PSD3: variants seen among roughly 807,000 people sequenced by gnomAD.
The protein encoded by PSD3 is PH and SEC7 domain-containing protein 3.
In PSD3, 49 loss-of-function variants were observed where a neutral mutation model predicts 105.5. That is an observed-to-expected ratio of 0.46 (90% confidence interval 0.37 to 0.59). The LOEUF is 0.59. Among genes scored for constraint, PSD3 ranks in the 20% least tolerant of loss-of-function variants. The pLI, the probability that PSD3 is intolerant of heterozygous loss-of-function variation, is 0.00. For synonymous variants in PSD3, 557 were observed against 457.8 expected (o/e 1.22, Z -2.77); for missense variants, 1,561 against 1,263.8 (o/e 1.24, Z -3.57).
chr8:18,995,146 G>C (rs1360413648), intron 1 of PSD3, among the ~76,000 whole-genome samples: 1 of 152,142 alleles, frequency 6.6e-6, no homozygotes, highest in Non-Finnish European at 1.5e-5. Context: ...GAATTTAAAA[G>C]CTGACAACTG....
chr8:18,689,122 G>A (rs1800826216), intron 9 of PSD3, among the ~76,000 whole-genome samples: 1 of 152,156 alleles, frequency 6.6e-6, no homozygotes, highest in African/African-American at 2.4e-5. Context: ...CCTCTCAAAA[G>A]AGTACCAGAG....
chr8:18,731,546 T>C lies in PSD3; in HGVS notation c.2172+33903A>G, dbSNP rs574316555. ...GTTTAGGACAGCTTGAGGAAAGGAA[T>C]TGCTAGGCAGAAAGACAACAGGAGA... is the stretch of plus-strand genomic sequence containing the variant. On this transcript the variant is annotated intron_variant, in intron 9 of 15. Coordinates refer to ENST00000327040, the MANE Select transcript of PSD3 (RefSeq NM_015310.4). Among the ~76,000 whole-genome samples, 55 of 152,232 alleles carry C rather than the reference T, an allele frequency of 3.6e-4. 2 individuals carry two copies. The South Asian group carries it at 0.011, about 32-fold the overall frequency.
At chr8:18,859,090 G>A (rs1482895977) in intron 4 of PSD3, among the ~76,000 whole-genome samples, 3 of 152,124 alleles carry the variant, frequency 2.0e-5, no homozygotes, top group Non-Finnish European at 2.9e-5. Flanking sequence ...ATTACTCCTC[G>A]ATCCATGGTT....
rs572440863 is a variant in PSD3 at position 18,899,109 on chromosome 8, T to C, written c.131-26376A>G. ...ATTCTGCCAGATTATCTCATGTCAA[T>C]TTGTTTTCTAGAACTGCTTCTTCCA... On this transcript the variant is annotated intron_variant, in intron 2 of 15. Transcript: ENST00000327040. 2.6e-4 allele frequency among the ~76,000 whole-genome samples: 39 copies of C among 152,300 alleles called. No individual in the cohort carries two copies. The South Asian group carries it at 3.7e-3, about 15-fold the overall frequency.
At chr8:18,838,295 G>C (rs1041783958) in intron 4 of PSD3, among the ~76,000 whole-genome samples, 1 of 152,098 alleles carries the variant, frequency 6.6e-6, no homozygotes, top group African/African-American at 2.4e-5. Flanking sequence ...ATTACCTAAA[G>C]GTCAGCAATG....
chr8:19,050,833 TA>T (rs1012866125), intron 1 of PSD3, among the ~76,000 whole-genome samples: 24 of 150,776 alleles, frequency 1.6e-4, no homozygotes, highest in South Asian at 4.2e-4. Context: ...TCTTAAAGTA[TA>T]AAAAAAAATA....
intron 9 of PSD3, among the ~76,000 whole-genome samples, chr8:18,657,553 G>C (rs530993079): frequency 6.0e-4 from 91 of 152,302 alleles, no homozygotes; most frequent in Non-Finnish European, 1.1e-3. Flanking sequence ...CAAAGACTAT[G>C]CTATAAATTG....
intron 1 of PSD3, among the ~76,000 whole-genome samples, chr8:19,052,227 A>G (rs1454314929): frequency 1.3e-5 from 2 of 152,118 alleles, no homozygotes; most frequent in East Asian, 3.9e-4. Flanking sequence ...TAATCCCAGC[A>G]CTTTGGGAGG....
At chr8:18,687,014 G>A (rs1005427532) in intron 9 of PSD3, among the ~76,000 whole-genome samples, 4 of 152,114 alleles carry the variant, frequency 2.6e-5, no homozygotes, top group Non-Finnish European at 5.9e-5. Flanking sequence ...GTGACTTCAG[G>A]GCACTCATAG....
chr8:18,702,378 G>C (rs1162441142), intron 9 of PSD3, among the ~76,000 whole-genome samples: 1 of 152,174 alleles, frequency 6.6e-6, no homozygotes, highest in Non-Finnish European at 1.5e-5. Flanking sequence ...CATGTAAAAT[G>C]TTAGCACATC....
At chr8:18,772,026 A>G (rs1807587735) in intron 8 of PSD3, among the ~76,000 whole-genome samples, 3 of 152,150 alleles carry the variant, frequency 2.0e-5, no homozygotes, top group Admixed American at 2.0e-4. Context: ...TAATGTCCTC[A>G]AGGTTCATCC....
At chr8:18,880,148 T>A (rs1349419463) in intron 2 of PSD3, among the ~76,000 whole-genome samples, 3 of 152,234 alleles carry the variant, frequency 2.0e-5, no homozygotes, top group African/African-American at 7.2e-5. Context: ...TTAGAATTTC[T>A]GATTTATTCC....
At chr8:18,936,744 C>G (rs1033947228) in intron 1 of PSD3, among the ~76,000 whole-genome samples, 1 of 148,878 alleles carries the variant, frequency 6.7e-6, no homozygotes, top group Non-Finnish European at 1.5e-5. Context: ...GGTGACAGAG[C>G]TAGACTCCAT....
intron 12 of PSD3, among the ~76,000 whole-genome samples, chr8:18,576,301 G>C (rs1374897185): frequency 6.6e-6 from 1 of 152,078 alleles, no homozygotes; most frequent in African/African-American, 2.4e-5. Flanking sequence ...GTAATATAAA[G>C]ATTATCCACA....
intron 1 of PSD3, among the ~76,000 whole-genome samples, chr8:18,953,100 T>A (rs1419953879): frequency 1.3e-5 from 2 of 152,182 alleles, no homozygotes; most frequent in African/African-American, 4.8e-5. Flanking sequence ...AAATGGCGAA[T>A]ACACATTAAA....
intron 2 of PSD3, among the ~76,000 whole-genome samples, chr8:18,913,086 AACACACACACACACACACACACAC>A (rs72253853): frequency 7.7e-6 from 1 of 130,542 alleles, no homozygotes; most frequent in East Asian, 2.3e-4. Context: ...CACACACACA[AACACACACACACACACACACACAC>A]ACACACACAC....
chr8:18,538,991 C>T (rs1398170771), intron 15 of PSD3, among the ~76,000 whole-genome samples: 1 of 152,144 alleles, frequency 6.6e-6, no homozygotes, highest in East Asian at 1.9e-4. Flanking sequence ...TTTGCAAACG[C>T]CGTGCCCCAT....
At chr8:18,652,136 A>C (rs1808528356) in intron 10 of PSD3, among the ~76,000 whole-genome samples, 2 of 152,152 alleles carry the variant, frequency 1.3e-5, no homozygotes, top group Non-Finnish European at 2.9e-5. Context: ...CATTAATAGA[A>C]ATGGAGCACA....
At chr8:18,896,756 A>G (rs972889868) in intron 2 of PSD3, among the ~76,000 whole-genome samples, 1 of 151,552 alleles carries the variant, frequency 6.6e-6, no homozygotes, top group Non-Finnish European at 1.5e-5. Flanking sequence ...TACAATGTGT[A>G]AGAGTTTCCC....
Sources: gnomAD v4.1 joint callset for allele counts (sites outside exome capture counted in the v4.1 genomes callset) on GRCh38, gnomAD v4.1.1 for gene constraint, MANE v1.5 for transcripts, NCBI Gene and HGNC (gene_info 2026-07-23, HGNC 2026-07-21) for gene names.